Variants in TCF4 observed in about 807,000 individuals in gnomAD.
TCF4 encodes SL3-3 enhancer factor 2.
In TCF4, 3 loss-of-function variants were observed where a neutral mutation model predicts 82.1. The ratio of observed to expected loss-of-function variants is 0.04; its 90% CI spans 0.02 to 0.09. The LOEUF (loss-of-function observed/expected upper bound fraction) is 0.09. TCF4 is among the 10% of genes least tolerant of loss of function. TCF4 has a pLI of 1.00. For missense variants in TCF4, 518 were observed against 852.7 expected (o/e 0.61, Z 4.89); for synonymous variants, 276 against 309.6 (o/e 0.89, Z 1.14).
chr18:55,575,268 G>C (rs2097518107), intron 3 of TCF4, among the ~76,000 whole-genome samples: 1 of 152,120 alleles, frequency 6.6e-6, no homozygotes, highest in African/African-American at 2.4e-5. Flanking sequence ...AATGGTTTGG[G>C]GCACTAGTGG....
chr18:55,435,610 G>A (rs2095312507), intron 5 of TCF4, among the ~76,000 whole-genome samples: 1 of 152,184 alleles, frequency 6.6e-6, no homozygotes, highest in Non-Finnish European at 1.5e-5. Flanking sequence ...TCATGTTCAT[G>A]TAGAGCCTAC....
At chr18:55,474,689 G>C (rs550862360) in intron 3 of TCF4, among the ~76,000 whole-genome samples, 32 of 152,136 alleles carry the variant, frequency 2.1e-4, no homozygotes, top group African/African-American at 7.5e-4. Context: ...AAAGATCAAG[G>C]GTTGAAGTCA....
At chr18:55,559,409 G>A (rs914454950) in intron 3 of TCF4, among the ~76,000 whole-genome samples, 2 of 152,024 alleles carry the variant, frequency 1.3e-5, no homozygotes, top group African/African-American at 2.4e-5. Context: ...GAAATGAAGT[G>A]CACTTATAAA....
intron 5 of TCF4, among the ~76,000 whole-genome samples, chr18:55,438,092 T>A (rs550367042): frequency 1.3e-5 from 2 of 150,962 alleles, no homozygotes; most frequent in South Asian, 4.2e-4. Context: ...TCCCAGCTAC[T>A]CAGGAGGCTG....
chr18:55,449,312 T>C (rs1167258187), intron 5 of TCF4, among the ~76,000 whole-genome samples: 1 of 152,100 alleles, frequency 6.6e-6, no homozygotes, highest in African/African-American at 2.4e-5. Flanking sequence ...AATTTCCAAA[T>C]AATATTTGTA....
chr18:55,433,141 A>G (rs1183371553), intron 5 of TCF4, among the ~76,000 whole-genome samples: 1 of 152,230 alleles, frequency 6.6e-6, no homozygotes. Context: ...CCACCAGAGA[A>G]ATAAAGTCTG....
intron 2 of TCF4, among the ~76,000 whole-genome samples, chr18:55,613,730 C>T (rs370589036): frequency 1.3e-5 from 2 of 152,152 alleles, no homozygotes; most frequent in African/African-American, 2.4e-5. Context: ...AACTATCACA[C>T]GAACAGCAAG....
At chr18:55,561,433 T>C (rs1448288441) in intron 3 of TCF4, among the ~76,000 whole-genome samples, 5 of 152,158 alleles carry the variant, frequency 3.3e-5, no homozygotes, top group Non-Finnish European at 7.3e-5. Flanking sequence ...ATTGGCAAAA[T>C]TAATTAATAA....
chr18:55,368,232 A>G (rs917705189), intron 6 of TCF4, among the ~76,000 whole-genome samples: 1 of 152,130 alleles, frequency 6.6e-6, no homozygotes, highest in Non-Finnish European at 1.5e-5. Context: ...CTAAAAATAC[A>G]AAAATTAGCA....
At position 55,226,450 on chromosome 18, in the gene TCF4, G is replaced by A. The variant is rs1190875260; in HGVS notation, c.*1585C>T. The A allele has an allele frequency of 6.6e-6, 1 of 152,452 alleles. No individual in the cohort carries two copies. The highest frequency in any genetic ancestry group is 1.5e-5 in the Non-Finnish European group (1 of 67,990). The allele number at this position is 152,452 out of a possible 1,614,324, so 9.4% of individuals were successfully genotyped here. ...GAAGTTGGTTCAATTGTGCCCAGAC[G>A]TCAAAGCTAGCTATCTGATGAGTCG... On this transcript the variant is annotated 3_prime_UTR_variant, in exon 20 of 20. Coordinates refer to ENST00000354452, the MANE Select transcript of TCF4 (RefSeq NM_001083962.2).
At chr18:55,446,505 C>T (rs958849657) in intron 5 of TCF4, among the ~76,000 whole-genome samples, 3 of 152,154 alleles carry the variant, frequency 2.0e-5, no homozygotes, top group African/African-American at 7.2e-5. Context: ...GATCTTGCTT[C>T]AAATCTGGAT....
intron 3 of TCF4, chr18:55,492,339 C>T (rs2096585426): frequency 6.6e-6 from 1 of 152,128 alleles, no homozygotes; most frequent in South Asian, 2.1e-4. Context: ...ATTTAATGTT[C>T]ATGTTCTGCT....
At chr18:55,372,874 A>G (rs1355740311) in intron 6 of TCF4, among the ~76,000 whole-genome samples, 2 of 152,198 alleles carry the variant, frequency 1.3e-5, no homozygotes, top group Non-Finnish European at 2.9e-5. Flanking sequence ...ACAGACACCA[A>G]ACAGATTTAG....
chr18:55,555,145 G>A (rs1429382102), intron 3 of TCF4, among the ~76,000 whole-genome samples: 1 of 152,082 alleles, frequency 6.6e-6, no homozygotes, highest in East Asian at 1.9e-4. Flanking sequence ...AACTCTGGAG[G>A]CAAGTGGCTG....
intron 8 of TCF4, among the ~76,000 whole-genome samples, chr18:55,328,170 TCTTC>T (rs2076900278): frequency 6.6e-6 from 1 of 152,150 alleles, no homozygotes; most frequent in African/African-American, 2.4e-5. Flanking sequence ...GAAATTCACT[TCTTC>T]CTTCCTCAAT....
intron 3 of TCF4, among the ~76,000 whole-genome samples, chr18:55,552,951 C>T (rs1436057193): frequency 6.6e-6 from 1 of 152,216 alleles, no homozygotes; most frequent in Non-Finnish European, 1.5e-5. Flanking sequence ...TCTCTCTACT[C>T]GCTCACTGCT....
At chr18:55,429,781 A>AAAAAC (rs2095125720) in intron 5 of TCF4, among the ~76,000 whole-genome samples, 1 of 150,638 alleles carries the variant, frequency 6.6e-6, no homozygotes, top group African/African-American at 2.5e-5. Context: ...AAAAAAAAAA[A>AAAAAC]AAAAAAAACA....
intron 8 of TCF4, among the ~76,000 whole-genome samples, chr18:55,340,219 T>C (rs146837901): frequency 6.6e-6 from 1 of 152,158 alleles, no homozygotes; most frequent in Non-Finnish European, 1.5e-5. Flanking sequence ...AAACAAATTA[T>C]TGGCCAAGGG....
At chr18:55,294,025 C>T (rs1267817768) in intron 8 of TCF4, among the ~76,000 whole-genome samples, 2 of 127,544 alleles carry the variant, frequency 1.6e-5, no homozygotes, top group African/African-American at 5.8e-5. Context: ...TTTGGGAGGC[C>T]GAGGTGGGCG....
Sources: allele counts gnomAD v4.1 joint callset (sites outside exome capture counted in the v4.1 genomes callset), GRCh38; gene constraint gnomAD v4.1.1; transcripts MANE v1.5; gene names NCBI Gene and HGNC (gene_info 2026-07-23, HGNC 2026-07-21).